Variants in SNX6 observed in about 807,000 individuals in gnomAD.
The protein encoded by SNX6 is sorting nexin 6, also known as sorting nexin-6.
Under a neutral mutation model 63.0 loss-of-function variants are expected in SNX6, and 34 were observed. The observed-to-expected ratio is 0.54, with a 90% CI of 0.41 to 0.72. The LOEUF is 0.72. Ranked by LOEUF, SNX6 falls within the 30% of genes least tolerant of loss-of-function variation. The pLI is 0.00. For synonymous variants in SNX6, 170 were observed against 164.2 expected, an observed-to-expected ratio of 1.04 and a Z score of -0.27; for missense variants, 398 against 471.4, an observed-to-expected ratio of 0.84 and a Z score of 1.44.
intron 6 of SNX6, among the ~76,000 whole-genome samples, chr14:34,598,460 T>C (rs554274735): frequency 3.3e-5 from 5 of 152,334 alleles, no homozygotes; most frequent in Admixed American, 6.5e-5. Context: ...GGCGTGATCT[T>C]GGCTCACTGC....
chr14:34,590,034 C>T (rs1412575581), intron 8 of SNX6, among the ~76,000 whole-genome samples: 2 of 151,966 alleles, frequency 1.3e-5, no homozygotes, highest in African/African-American at 4.8e-5. Flanking sequence ...GTGGAAGGAT[C>T]GATTGAGGAT....
chr14:34,580,576 G>A (rs1240698872), intron 10 of SNX6, among the ~76,000 whole-genome samples: 1 of 152,016 alleles, frequency 6.6e-6, no homozygotes, highest in Non-Finnish European at 1.5e-5. Flanking sequence ...TGGCATTATG[G>A]GCGTGACCCA....
chr14:34,624,891 T>C (rs58929793), intron 2 of SNX6, among the ~76,000 whole-genome samples: 171 of 152,320 alleles, frequency 1.1e-3, no homozygotes, highest in African/African-American at 4.0e-3. Context: ...CTTGTATCAA[T>C]ATGTACTTCA....
At chr14:34,589,354 C>A (rs569498849) in intron 8 of SNX6, among the ~76,000 whole-genome samples, 1 of 152,092 alleles carries the variant, frequency 6.6e-6, no homozygotes, top group South Asian at 2.1e-4. Context: ...ACTCATGAGG[C>A]TGAGGCAGAA....
chr14:34,612,229 C>T (rs1460631169), intron 2 of SNX6, among the ~76,000 whole-genome samples: 5 of 152,180 alleles, frequency 3.3e-5, no homozygotes, highest in South Asian at 2.1e-4. Flanking sequence ...ACGTGAGCCA[C>T]TGAGCCAGGC....
intron 8 of SNX6, among the ~76,000 whole-genome samples, chr14:34,590,560 T>C (rs1236062974): frequency 6.6e-6 from 1 of 151,948 alleles, no homozygotes; most frequent in Non-Finnish European, 1.5e-5. Context: ...TGAATAAAGT[T>C]AAAAAGACTT....
At chr14:34,595,959 C>T (rs751204415) in intron 7 of SNX6, among the ~76,000 whole-genome samples, 1 of 152,132 alleles carries the variant, frequency 6.6e-6, no homozygotes, top group Non-Finnish European at 1.5e-5. Context: ...GTGGCTCACG[C>T]CTGTAATCCC....
intron 10 of SNX6, among the ~76,000 whole-genome samples, chr14:34,579,289 A>G: frequency 6.6e-6 from 1 of 152,152 alleles, no homozygotes; most frequent in Non-Finnish European, 1.5e-5. Flanking sequence ...CAACAGCAGA[A>G]CAGATAAACA....
intron 2 of SNX6, among the ~76,000 whole-genome samples, chr14:34,616,565 C>T (rs1566491395): frequency 1.3e-5 from 2 of 152,026 alleles, no homozygotes; most frequent in African/African-American, 2.4e-5. Flanking sequence ...ACCATGTTGC[C>T]CAGGCTGGTC....
At chr14:34,619,781 C>T (rs1423860885) in intron 2 of SNX6, among the ~76,000 whole-genome samples, 2 of 152,134 alleles carry the variant, frequency 1.3e-5, no homozygotes, top group Non-Finnish European at 2.9e-5. Flanking sequence ...CCATGAATGC[C>T]ATTCCAATAC....
At chr14:34,612,862 C>A (rs1883283467) in intron 2 of SNX6, among the ~76,000 whole-genome samples, 1 of 151,712 alleles carries the variant, frequency 6.6e-6, no homozygotes, top group African/African-American at 2.4e-5. Flanking sequence ...CCAGCCTGAC[C>A]AATGTGGAGA....
chr14:34,587,561 G>A (rs1189980401), intron 8 of SNX6, among the ~76,000 whole-genome samples: 13 of 131,680 alleles, frequency 9.9e-5, no homozygotes, highest in South Asian at 2.4e-4. Flanking sequence ...AAAAAAAAAA[G>A]GGCATCTAAG....
At chr14:34,629,196 C>T (rs2138402336) in intron 2 of SNX6, among the ~76,000 whole-genome samples, 1 of 151,974 alleles carries the variant, frequency 6.6e-6, no homozygotes, top group East Asian at 1.9e-4. Context: ...TTTTGGTACT[C>T]ATTTCACAAT....
intron 10 of SNX6, 86 bp downstream of exon 10, chr14:34,581,475 A>C: frequency 3.8e-6 from 3 of 791,566 alleles, no homozygotes; most frequent in Non-Finnish European, 4.0e-6. Context: ...TTTTAAAAAA[A>C]TTTTCTGAAT....
rs138230147 is a variant in SNX6, at chr14:34,611,002, T to C, written c.55-1260A>G. ...ACGTGTGTGTGTGTGTATATATATA[T>C]ATAATTCTATTTTTTGTTTTTGAGA... On this transcript the variant is annotated intron_variant, in intron 2 of 13. Coordinates refer to ENST00000362031, the MANE Select transcript of SNX6 (RefSeq NM_152233.4). Among the ~76,000 whole-genome samples, 283 of 152,196 alleles carry C rather than the reference T, an allele frequency of 1.9e-3. 1 individual carries two copies. The highest frequency in any genetic ancestry group is 6.7e-3 in the African/African-American group (279 of 41,562).
At chr14:34,586,453 T>G in intron 8 of SNX6, 148 bp from the exon 9 acceptor site, 6 of 300,248 alleles carry the variant, frequency 2.0e-5, no homozygotes, top group East Asian at 8.2e-5. Context: ...ATGCCTGTAA[T>G]CCCAACACTT....
chr14:34,563,584 A>T (rs539844421), intron 13 of SNX6, among the ~76,000 whole-genome samples: 51 of 152,194 alleles, frequency 3.4e-4, no homozygotes, highest in East Asian at 3.9e-4. Flanking sequence ...AGAAAAAAAA[A>T]ATATAGTGTT....
intron 2 of SNX6, among the ~76,000 whole-genome samples, chr14:34,611,748 C>CAAAAA (rs1171892665): frequency 4.7e-5 from 5 of 107,142 alleles, no homozygotes; most frequent in African/African-American, 7.3e-5. Flanking sequence ...GACACTGTCT[C>CAAAAA]AAAAAAAAAA....
intron 9 of SNX6, among the ~76,000 whole-genome samples, chr14:34,584,583 TATACATAC>T (rs768935311): frequency 4.6e-5 from 7 of 152,076 alleles, no homozygotes; most frequent in African/African-American, 7.2e-5. Flanking sequence ...CATAAACACA[TATACATAC>T]ATACATACAT....
Sources: gnomAD v4.1 joint callset for allele counts (sites outside exome capture counted in the v4.1 genomes callset) on GRCh38, gnomAD v4.1.1 for gene constraint, MANE v1.5 for transcripts, NCBI Gene and HGNC (gene_info 2026-07-23, HGNC 2026-07-21) for gene names.